Variants in KRABD5 observed in about 807,000 individuals in gnomAD.
KRABD5 encodes the protein KRAB domain-containing protein 5.
the KRABD5 span, chr16:31,755,712 T>A: frequency 2.5e-6 from 1 of 399,600 alleles, no homozygotes; most frequent in African/African-American, 2.1e-5. Flanking sequence ...ACTAGAGAAT[T>A]TCTATAGTTG....
At chr16:31,716,997 G>GTTTTTTT in the KRABD5 span, among the ~76,000 whole-genome samples, 23 of 81,148 alleles carry the variant, frequency 2.8e-4, no homozygotes, top group East Asian at 1.6e-3. Flanking sequence ...GTCAGTCTTT[G>GTTTTTTT]TTTTTTTTTT....
chr16:31,727,615 A>G, the KRABD5 span, among the ~76,000 whole-genome samples: 1 of 152,206 alleles, frequency 6.6e-6, no homozygotes, highest in Non-Finnish European at 1.5e-5. Flanking sequence ...CAATTCACCC[A>G]TGAATTCATT....
At chr16:31,733,249 T>G in the KRABD5 span, among the ~76,000 whole-genome samples, 1 of 152,190 alleles carries the variant, frequency 6.6e-6, no homozygotes, top group South Asian at 2.1e-4. Flanking sequence ...AATGATTGCT[T>G]TATTCTGTCT....
At chr16:31,752,776 G>T in the KRABD5 span, among the ~76,000 whole-genome samples, 1 of 152,124 alleles carries the variant, frequency 6.6e-6, no homozygotes, top group African/African-American at 2.4e-5. Flanking sequence ...GTGAGGTAGG[G>T]TGACTGCTTT....
the KRABD5 span, chr16:31,761,414 G>A: frequency 1.8e-4 from 27 of 152,072 alleles, no homozygotes; most frequent in African/African-American, 4.3e-4. Flanking sequence ...CTAGTTCACC[G>A]GTCCTCTTAT....
At chr16:31,724,442 C>T in the KRABD5 span, among the ~76,000 whole-genome samples, 1 of 151,734 alleles carries the variant, frequency 6.6e-6, no homozygotes, top group Admixed American at 6.6e-5. Context: ...AATCCCAGCA[C>T]TTTGGGAGGC....
chr16:31,724,427 C>T, the KRABD5 span, among the ~76,000 whole-genome samples: 14 of 152,142 alleles, frequency 9.2e-5, no homozygotes, highest in South Asian at 8.3e-4. Flanking sequence ...GTGGCTCACG[C>T]CTGTAATCCC....
chr16:31,748,211 C>T, the KRABD5 span, among the ~76,000 whole-genome samples: 1 of 152,186 alleles, frequency 6.6e-6, no homozygotes, highest in African/African-American at 2.4e-5. Context: ...CTACATATGG[C>T]TAGCCAGCTT....
chr16:31,757,941 GGATAGTTAGATA>G, the KRABD5 span: 2 of 151,872 alleles, frequency 1.3e-5, no homozygotes, highest in African/African-American at 4.8e-5. Context: ...ATGGATGGAT[GGATAGTTAGATA>G]GATAGATAGA....
chr16:31,754,558 ATG>A, the KRABD5 span: 1 of 528,180 alleles, frequency 1.9e-6, no homozygotes. Flanking sequence ...AACGTAAAAA[ATG>A]TGAGAAAGCC....
chr16:31,720,487 T>G, the KRABD5 span, among the ~76,000 whole-genome samples: 1 of 152,206 alleles, frequency 6.6e-6, no homozygotes, highest in African/African-American at 2.4e-5. Context: ...GAATGCTTAG[T>G]TAAGTGATTC....
chr16:31,724,872 C>T, the KRABD5 span, among the ~76,000 whole-genome samples: 55 of 151,490 alleles, frequency 3.6e-4, no homozygotes, highest in Admixed American at 1.1e-3. Context: ...TGTTGGGACC[C>T]GTTCTACACT....
chr16:31,756,221 A>G, the KRABD5 span: 3 of 152,266 alleles, frequency 2.0e-5, no homozygotes, highest in African/African-American at 7.2e-5. Flanking sequence ...TGGCAAATGT[A>G]AAATACATGA....
the KRABD5 span, chr16:31,722,666 G>C: frequency 5.0e-6 from 8 of 1,613,142 alleles, no homozygotes; most frequent in Non-Finnish European, 6.8e-6. Flanking sequence ...GAATTCTCTC[G>C]GGAGGAGTGG....
chr16:31,755,666 C>T, the KRABD5 span: 2 of 470,642 alleles, frequency 4.2e-6, no homozygotes, highest in Admixed American at 2.3e-5. Context: ...ATTATTTAAT[C>T]GATGCTCAAC....
At chr16:31,751,696 G>T in the KRABD5 span, among the ~76,000 whole-genome samples, 3 of 152,042 alleles carry the variant, frequency 2.0e-5, no homozygotes, top group Non-Finnish European at 4.4e-5. Context: ...TATCAATCTC[G>T]TTTACCCTTT....
At chr16:31,728,646 GA>G in the KRABD5 span, among the ~76,000 whole-genome samples, 229 of 150,658 alleles carry the variant, frequency 1.5e-3, 1 homozygote, top group African/African-American at 5.0e-3. Flanking sequence ...AGTGCAATCA[GA>G]AAAAAAAACT....
the KRABD5 span, among the ~76,000 whole-genome samples, chr16:31,740,519 G>T: frequency 3.0e-4 from 46 of 152,040 alleles, no homozygotes; most frequent in Non-Finnish European, 5.6e-4. Context: ...CTTTAAAATA[G>T]ATATTTTGCT....
chr16:31,722,015 A>G, the KRABD5 span, among the ~76,000 whole-genome samples: 4 of 152,328 alleles, frequency 2.6e-5, no homozygotes, highest in African/African-American at 9.6e-5. Context: ...TGGATGATGT[A>G]AATATAGACT....
Sources: gnomAD v4.1 joint callset for allele counts (sites outside exome capture counted in the v4.1 genomes callset) on GRCh38, gnomAD v4.1.1 for gene constraint, MANE v1.5 for transcripts, NCBI Gene and HGNC (gene_info 2026-07-23, HGNC 2026-07-21) for gene names.